The following ANO4 variants were observed in gnomAD, a reference collection of about 807,000 sequenced individuals.
ANO4 encodes the protein anoctamin-4.
ANO4 carries 69 observed loss-of-function variants against 141.9 expected under a neutral mutation model. That is an observed-to-expected ratio of 0.49 (90% CI 0.40 to 0.59). The LOEUF (loss-of-function observed/expected upper bound fraction) is 0.59, where lower values mean the gene tolerates loss of function less well. Among genes scored for constraint, ANO4 ranks in the 20% least tolerant of loss-of-function variants. The pLI, the probability that ANO4 is intolerant of heterozygous loss-of-function variation, is 0.00. For synonymous variants in ANO4, 350 were observed against 394.3 expected (o/e 0.89, Z 1.33); for missense variants, 894 against 1,162.2 (o/e 0.77, Z 3.36).
chr12:101,068,643 CT>C, intron 14 of ANO4: 1 of 1,348,118 alleles, frequency 7.4e-7, no homozygotes, highest in South Asian at 1.2e-5. Context: ...TAGATGACTT[CT>C]TTGAGCAAGA....
intron 3 of ANO4, among the ~76,000 whole-genome samples, chr12:100,929,078 G>A (rs1443554569): frequency 2.0e-5 from 3 of 151,900 alleles, no homozygotes; most frequent in South Asian, 4.2e-4. Flanking sequence ...CAGTGTAAAT[G>A]GGGTATCCAC....
intron 12 of ANO4, among the ~76,000 whole-genome samples, chr12:101,042,827 G>T (rs995918312): frequency 6.6e-6 from 1 of 152,040 alleles, no homozygotes; most frequent in Non-Finnish European, 1.5e-5. Flanking sequence ...TATGAATTCT[G>T]TGTTTTTACA....
At chr12:101,097,821 G>A (rs1387094489) in intron 20 of ANO4, 27 bp from the exon 21 acceptor site, 2 of 1,610,832 alleles carry the variant, frequency 1.2e-6, no homozygotes, top group Non-Finnish European at 1.7e-6. Context: ...ATTGATTCTG[G>A]AATTTCTGTG....
intron 10 of ANO4, among the ~76,000 whole-genome samples, chr12:101,038,265 A>T (rs931829186): frequency 3.3e-5 from 5 of 152,228 alleles, no homozygotes; most frequent in Non-Finnish European, 7.3e-5. Flanking sequence ...TCCCCAAAAC[A>T]TCATGTGGCT....
chr12:100,791,596 C>G (rs1375433689), upstream of ANO4, among the ~76,000 whole-genome samples: 4 of 152,138 alleles, frequency 2.6e-5, no homozygotes, highest in Admixed American at 6.5e-5. Context: ...TTGTGTCATT[C>G]CCACCTCATC....
intron 9 of ANO4, among the ~76,000 whole-genome samples, chr12:101,029,098 G>A (rs1039757376): frequency 5.9e-5 from 9 of 152,148 alleles, no homozygotes; most frequent in African/African-American, 2.2e-4. Context: ...ATAAGCGAAA[G>A]AGAAATAAAA....
At chr12:101,078,695 G>A (rs1047844007) in intron 14 of ANO4, among the ~76,000 whole-genome samples, 6 of 152,158 alleles carry the variant, frequency 3.9e-5, no homozygotes, top group African/African-American at 1.4e-4. Flanking sequence ...TTTGCTGTGA[G>A]GAGGATTTGA....
intron 6 of ANO4, among the ~76,000 whole-genome samples, chr12:100,973,375 A>G (rs891680653): frequency 4.6e-5 from 7 of 152,318 alleles, no homozygotes; most frequent in Middle Eastern, 3.4e-3. Context: ...CTGTATTCAT[A>G]ATTTTCTGTA....
At chr12:100,895,006 T>G (rs2040281674) in intron 1 of ANO4, among the ~76,000 whole-genome samples, 1 of 151,314 alleles carries the variant, frequency 6.6e-6, no homozygotes, top group Non-Finnish European at 1.5e-5. Flanking sequence ...CCAGAAAGTT[T>G]GGAAAAGTAA....
At chr12:101,080,352 TTTTGG>T (rs150912083) in intron 15 of ANO4, among the ~76,000 whole-genome samples, 116 of 152,228 alleles carry the variant, frequency 7.6e-4, no homozygotes, top group African/African-American at 2.6e-3. Context: ...TTGGGTAGTT[TTTTGG>T]TTTGGTTTGG....
intron 22 of ANO4, among the ~76,000 whole-genome samples, chr12:101,104,593 ATGTGTGTG>A (rs745870723): frequency 1.1e-5 from 1 of 94,718 alleles, no homozygotes; most frequent in Non-Finnish European, 2.0e-5. Flanking sequence ...TAATATATAT[ATGTGTGTG>A]TGTGTGTGTG....
At chr12:100,941,838 C>T (rs77504785) in intron 4 of ANO4, among the ~76,000 whole-genome samples, 3 of 151,814 alleles carry the variant, frequency 2.0e-5, no homozygotes, top group South Asian at 2.1e-4. Context: ...TGGCTACACA[C>T]GGTATTTTTA....
At chr12:100,817,376 G>A (rs2035795785) in intron 1 of ANO4, among the ~76,000 whole-genome samples, 1 of 151,872 alleles carries the variant, frequency 6.6e-6, no homozygotes, top group East Asian at 1.9e-4. Flanking sequence ...TTAGAGCCTA[G>A]TTAGGTCTTC....
intron 2 of ANO4, among the ~76,000 whole-genome samples, chr12:100,906,266 T>C (rs2040841269): frequency 6.6e-6 from 1 of 152,022 alleles, no homozygotes; most frequent in Admixed American, 6.6e-5. Context: ...CATTTTGTGA[T>C]TTGGTAAAGA....
At chr12:100,827,373 C>T (rs2036407649) in intron 1 of ANO4, among the ~76,000 whole-genome samples, 2 of 151,952 alleles carry the variant, frequency 1.3e-5, no homozygotes, top group South Asian at 4.1e-4. Context: ...ATATCTTTTT[C>T]ATTGATATTT....
At chr12:100,887,983 C>A (rs1162015098) in intron 1 of ANO4, among the ~76,000 whole-genome samples, 2 of 152,084 alleles carry the variant, frequency 1.3e-5, no homozygotes, top group Non-Finnish European at 2.9e-5. Flanking sequence ...TATCTGCTTC[C>A]TAAGTATTTC....
At position 100,893,182 on chromosome 12, in the gene ANO4, C is replaced by T. The variant is rs576141947; in HGVS notation, c.-140-8464C>T. Among the ~76,000 whole-genome samples the T allele has an allele frequency of 1.4e-3, 215 of 151,040 alleles. 5 individuals carry two copies. Among genetic ancestry groups the T allele is most frequent in the African/African-American group, 5.0e-3 (204 of 41,010 alleles). ...TCAGAAGGGTGGTGAATGAGCTGAT[C>T]TTAGGAGAATATATTGGATTAGGGC... On this transcript the variant is annotated intron_variant, in intron 1 of 27. Transcript: ENST00000392977.
intron 8 of ANO4, among the ~76,000 whole-genome samples, chr12:101,019,261 A>T (rs1202075612): frequency 2.6e-5 from 4 of 152,096 alleles, no homozygotes; most frequent in African/African-American, 9.7e-5. Context: ...TTGCATTCGT[A>T]AAAAGGGGAA....
intron 2 of ANO4, among the ~76,000 whole-genome samples, chr12:100,734,028 G>A (rs2031505379): frequency 6.6e-6 from 1 of 152,158 alleles, no homozygotes. Context: ...GCCCTCTTGT[G>A]GATTTCTACT....
Sources: allele counts gnomAD v4.1 joint callset (sites outside exome capture counted in the v4.1 genomes callset), GRCh38; gene constraint gnomAD v4.1.1; transcripts MANE v1.5; gene names NCBI Gene and HGNC (gene_info 2026-07-23, HGNC 2026-07-21).